AHI1: variants seen among roughly 807,000 people sequenced by gnomAD.
The protein encoded by AHI1 is Abelson helper integration site 1.
Under a neutral mutation model 149.3 loss-of-function variants are expected in AHI1, and 123 were observed. That is an observed-to-expected ratio of 0.82 (90% CI 0.71 to 0.96). The LOEUF (loss-of-function observed/expected upper bound fraction) is 0.96. AHI1 is among the 40% of genes least tolerant of loss of function. The pLI, the probability that AHI1 is intolerant of heterozygous loss-of-function variation, is 0.00. For missense variants in AHI1, 1,439 were observed against 1,422.7 expected (o/e 1.01, Z -0.18); for synonymous variants, 475 against 459.8 (o/e 1.03, Z -0.42).
At chr6:135,361,011 T>C (rs1472263900) in intron 23 of AHI1, among the ~76,000 whole-genome samples, 1 of 152,222 alleles carries the variant, frequency 6.6e-6, no homozygotes, top group African/African-American at 2.4e-5. Context: ...TGCATTTCTT[T>C]TTGTTCTTTT....
intron 21 of AHI1, among the ~76,000 whole-genome samples, chr6:135,410,387 A>C (rs1781415749): frequency 6.6e-6 from 1 of 152,158 alleles, no homozygotes; most frequent in Non-Finnish European, 1.5e-5. Context: ...AAACAAAACA[A>C]AACAACCAAA....
intron 23 of AHI1, among the ~76,000 whole-genome samples, chr6:135,394,026 A>T (rs991600949): frequency 6.6e-5 from 10 of 151,940 alleles, no homozygotes; most frequent in Admixed American, 3.9e-4. Context: ...ATTGTCCTCA[A>T]ATTTCTAAGT....
chr6:135,315,240 A>C (rs969866651), intron 26 of AHI1, among the ~76,000 whole-genome samples: 2 of 152,124 alleles, frequency 1.3e-5, no homozygotes, highest in Non-Finnish European at 2.9e-5. Flanking sequence ...ATTTCACTTC[A>C]GCTTTTATAC....
chr6:135,491,475 G>T (rs1795238078), intron 4 of AHI1, among the ~76,000 whole-genome samples: 1 of 152,058 alleles, frequency 6.6e-6, no homozygotes, highest in Non-Finnish European at 1.5e-5. Flanking sequence ...TTTAAATGCT[G>T]CCTGTAAATA....
chr6:135,466,509 C>G, intron 6 of AHI1, 136 bp from the exon 7 acceptor site: 1 of 784,696 alleles, frequency 1.3e-6, no homozygotes, highest in Non-Finnish European at 2.0e-6. Context: ...CATAGTGACA[C>G]TATTTTAGAG....
chr6:135,492,418 T>A, intron 3 of AHI1, 127 bp from the exon 4 acceptor site: 1 of 1,310,280 alleles, frequency 7.6e-7, no homozygotes, highest in Non-Finnish European at 9.8e-7. Context: ...TAAAGCTATG[T>A]TCCCTTAACC....
chr6:135,431,074 T>C (rs545362544), intron 17 of AHI1, 134 bp downstream of exon 17: 78 of 592,032 alleles, frequency 1.3e-4, no homozygotes, highest in African/African-American at 8.7e-4. Flanking sequence ...TAATTAATTA[T>C]TGATAACTAA....
At chr6:135,353,618 AATG>A (rs894804164) in intron 24 of AHI1, among the ~76,000 whole-genome samples, 24 of 152,126 alleles carry the variant, frequency 1.6e-4, no homozygotes, top group Admixed American at 3.9e-4. Flanking sequence ...TTGGCTAAAC[AATG>A]ATAACAATCT....
At chr6:135,383,015 T>C (rs1233654072) in intron 23 of AHI1, among the ~76,000 whole-genome samples, 1 of 138,676 alleles carries the variant, frequency 7.2e-6, no homozygotes, top group Non-Finnish European at 1.5e-5. Flanking sequence ...TCACAGAATA[T>C]AATGGCTGAA....
At chr6:135,455,197 T>C (rs555333645) in intron 10 of AHI1, among the ~76,000 whole-genome samples, 35 of 152,296 alleles carry the variant, frequency 2.3e-4, no homozygotes, top group Middle Eastern at 6.8e-3. Flanking sequence ...AAGAAAATTA[T>C]ATAATAACAA....
At chr6:135,351,877 G>A (rs568419331) in intron 24 of AHI1, among the ~76,000 whole-genome samples, 48 of 152,212 alleles carry the variant, frequency 3.2e-4, no homozygotes, top group African/African-American at 1.1e-3. Context: ...TCCTGGATGG[G>A]GCCTTTGGAT....
intron 21 of AHI1, among the ~76,000 whole-genome samples, chr6:135,409,502 T>G (rs1366212575): frequency 6.6e-6 from 1 of 152,152 alleles, no homozygotes; most frequent in Non-Finnish European, 1.5e-5. Context: ...ATGGACTGTA[T>G]TTTTCAGTTA....
rs758706680 is a variant in AHI1, at chr6:135,427,215, C to T, written c.2716G>A (p.Ala906Thr). 3 of 1,610,584 alleles carry T rather than the reference C, an allele frequency of 1.9e-6. No homozygotes were observed. The highest frequency in any genetic ancestry group is 2.5e-6 in the Non-Finnish European group (3 of 1,177,844). The part of the protein sequence containing the change: ...HPFENMVAFC[A>T]FGQNEPILLY... ...AGAATTGGCTCATTTTGCCCAAATG[C>T]ACAGAATGCAACCATATTTTCAAAT... Residue 906 changes from alanine (A) to threonine (T), a missense_variant, in exon 20 of 29, where the codon GCA (alanine) becomes ACA (threonine). Coordinates refer to ENST00000265602, the MANE Select transcript of AHI1 (RefSeq NM_001134831.2).
Position 135,310,248 on chromosome 6 carries a change from T to A in AHI1, c.3426+8271A>T, listed in dbSNP as rs919598211. Among the ~76,000 whole-genome samples, 4 of 127,368 alleles carry A rather than the reference T, an allele frequency of 3.1e-5. No homozygotes were observed. In the Admixed American group the frequency reaches 3.2e-4, roughly 10 times the overall value. 83.6% of individuals were successfully genotyped at this position (127,368 alleles called of 152,430 possible). A position where few individuals can be genotyped will look rare whatever the true frequency, so the allele number is the denominator to read the frequency against. On this transcript the variant is annotated intron_variant, in intron 26 of 28. Transcript: ENST00000265602. ...ACAGGGATCAGTAAATGGAAAAAAA[T>A]TTTCTCTATAAAGTGATATTTGAAA...
chr6:135,305,108 G>A (rs1227690255), intron 26 of AHI1: 1 of 152,152 alleles, frequency 6.6e-6, no homozygotes, highest in African/African-American at 2.4e-5. Flanking sequence ...GTTATCAGCA[G>A]AGACCAGAAG....
intron 27 of AHI1, among the ~76,000 whole-genome samples, chr6:135,298,692 A>G (rs1341259719): frequency 2.6e-5 from 4 of 152,140 alleles, no homozygotes; most frequent in Non-Finnish European, 5.9e-5. Context: ...GACATATCTG[A>G]ACTTCTCATG....
chr6:135,430,690 A>G (rs926133357), intron 17 of AHI1, among the ~76,000 whole-genome samples: 1 of 151,996 alleles, frequency 6.6e-6, no homozygotes, highest in East Asian at 1.9e-4. Flanking sequence ...TCTTAAAAAC[A>G]CTCCAGCCCC....
chr6:135,389,016 A>AT lies in AHI1; in HGVS notation c.3109+5759_3109+5760insA, dbSNP rs1582977887. Among the ~76,000 whole-genome samples, 5 of 151,164 alleles carry AT rather than the reference A, an allele frequency of 3.3e-5. No individual in the cohort carries two copies. The South Asian group carries it at 1.0e-3, about 32-fold the overall frequency. On this transcript the variant is annotated intron_variant, in intron 23 of 28. Transcript: ENST00000265602. The stretch of plus-strand genomic sequence containing the variant: ...GACAAGAGTGAGGTTCCGTGTTAAA[A>AT]AACAAAAAATACGGCCAAGTGCAGT...
At chr6:135,457,737 A>T (rs1256934942) in intron 8 of AHI1, 24 bp from the exon 9 acceptor site, 5 of 1,585,898 alleles carry the variant, frequency 3.2e-6, no homozygotes, top group Non-Finnish European at 3.5e-6. Context: ...AAAAAAAATC[A>T]ATGTTATAAT....
Sources: gnomAD v4.1 joint callset for allele counts (sites outside exome capture counted in the v4.1 genomes callset) on GRCh38, gnomAD v4.1.1 for gene constraint, MANE v1.5 for transcripts, NCBI Gene and HGNC (gene_info 2026-07-23, HGNC 2026-07-21) for gene names.